Variants in IKZF2 observed in about 807,000 individuals in gnomAD.
The protein encoded by IKZF2 is IKAROS family zinc finger 2.
A neutral mutation model predicts 49.2 loss-of-function variants in IKZF2; 15 were observed. That is an observed-to-expected ratio of 0.30 (90% CI 0.20 to 0.47). IKZF2 has a LOEUF of 0.47. Among genes scored for constraint, IKZF2 ranks in the 20% least tolerant of loss-of-function variants. IKZF2 has a pLI of 1.00. For missense variants in IKZF2, 567 were observed against 664.6 expected, an observed-to-expected ratio of 0.85 and a Z score of 1.61; for synonymous variants, 227 against 221.4, an observed-to-expected ratio of 1.03 and a Z score of -0.23.
chr2:213,036,096 T>A (rs1698994678), intron 6 of IKZF2, among the ~76,000 whole-genome samples: 1 of 152,228 alleles, frequency 6.6e-6, no homozygotes, highest in Non-Finnish European at 1.5e-5. Context: ...AGCTGCTATA[T>A]GTCTTCAAGC....
At chr2:213,109,762 C>A (rs191219448) in intron 4 of IKZF2, among the ~76,000 whole-genome samples, 169 of 151,912 alleles carry the variant, frequency 1.1e-3, no homozygotes, top group Non-Finnish European at 1.9e-3. Context: ...AAAACATAAG[C>A]AAGGTAAAAT....
chr2:213,042,838 G>A (rs1699794680), intron 6 of IKZF2, among the ~76,000 whole-genome samples: 1 of 151,452 alleles, frequency 6.6e-6, no homozygotes, highest in African/African-American at 2.4e-5. Flanking sequence ...AAAAGAGCTT[G>A]GCCTTAAATA....
chr2:213,133,344 G>A (rs1014183445), intron 4 of IKZF2, among the ~76,000 whole-genome samples: 1 of 151,992 alleles, frequency 6.6e-6, no homozygotes, highest in East Asian at 1.9e-4. Flanking sequence ...ATCTGTCTAG[G>A]GGCCTCACAT....
chr2:213,056,848 T>C lies in IKZF2; in HGVS notation c.391A>G (p.Lys131Glu). 1.2e-6 allele frequency: 2 copies of C among 1,613,822 alleles called. No individual in the cohort carries two copies. The highest frequency in any genetic ancestry group is 1.7e-6 in the Non-Finnish European group (2 of 1,179,840). Residue 131 changes from lysine to glutamate, a missense_variant, in exon 5 of 9, where the codon AAA becomes GAA. Around this residue, in one of 5 missense-constraint regions of IKZF2, gnomAD observed 54 missense variants for 119.9 expected, o/e 0.45. Transcript: ENST00000434687. ...AGCTGCTTACCAGTGTGACTCCTTT[T>C]ATGTACCATAAGCACATTGGGCCCA... is the stretch of plus-strand genomic sequence containing the variant. ...CIGPNVLMVH[K>E]RSHTGERPFH...
rs535003526 is a variant in IKZF2, at chr2:213,131,593, T to A, written c.139+16115A>T. 2.0e-5 allele frequency among the ~76,000 whole-genome samples: 3 copies of A among 152,306 alleles called. No individual in the cohort carries two copies. The South Asian group carries it at 6.2e-4, about 32-fold the overall frequency. On this transcript the variant is annotated intron_variant, in intron 4 of 8. Transcript: ENST00000434687. ...TCTAGAGTGACACTGGCTGAAAAGA[T>A]GTATATTTTGAAGCCATGTGAAGCT...
At chr2:213,146,889 A>C in intron 4 of IKZF2, among the ~76,000 whole-genome samples, 1 of 152,028 alleles carries the variant, frequency 6.6e-6, no homozygotes, top group East Asian at 1.9e-4. Context: ...TATAAATCTA[A>C]AGTATAAAGA....
intron 4 of IKZF2, among the ~76,000 whole-genome samples, chr2:213,084,004 A>G (rs1328909852): frequency 1.3e-5 from 2 of 152,180 alleles, no homozygotes; most frequent in Non-Finnish European, 2.9e-5. Flanking sequence ...ATTGTCTTCC[A>G]CAAAACCAGT....
rs1418875659 is a variant in IKZF2, at chr2:213,136,199, G to A, written c.139+11509C>T. ...AGCCTGACCAACTTAGTGAAACCCT[G>A]TCTACACTAAAAAATAAAAAAATTA... On this transcript the variant is annotated intron_variant, in intron 4 of 8. Transcript: ENST00000434687. Among the ~76,000 whole-genome samples, 4 of 150,338 alleles carry A rather than the reference G, an allele frequency of 2.7e-5. No individual in the cohort carries two copies. In the East Asian group the frequency reaches 7.8e-4, roughly 29 times the overall value.
intron 8 of IKZF2, among the ~76,000 whole-genome samples, chr2:213,011,017 A>G (rs1258692311): frequency 2.6e-5 from 4 of 152,180 alleles, no homozygotes; most frequent in Admixed American, 6.6e-5. Flanking sequence ...GTGTGTTTCC[A>G]AAGGAATTGA....
intron 6 of IKZF2, among the ~76,000 whole-genome samples, chr2:213,041,364 C>T (rs775615480): frequency 8.6e-5 from 13 of 151,638 alleles, no homozygotes; most frequent in East Asian, 5.8e-4. Context: ...GATGGAGTTT[C>T]GCTCTGTCAC....
At chr2:213,021,931 T>TTTTTA (rs1574508685) in intron 7 of IKZF2, 62 bp downstream of exon 7, 2 of 1,528,476 alleles carry the variant, frequency 1.3e-6, no homozygotes, top group South Asian at 2.6e-5. Flanking sequence ...AGATTTTATC[T>TTTTTA]TCATGTTGAA....
intron 6 of IKZF2, among the ~76,000 whole-genome samples, chr2:213,037,298 A>T (rs1459857272): frequency 6.6e-6 from 1 of 152,258 alleles, no homozygotes; most frequent in Non-Finnish European, 1.5e-5. Context: ...CACCAAAGTG[A>T]AAAGAGCTGC....
chr2:213,124,240 T>TAG lies in IKZF2; in HGVS notation c.139+23467_139+23468insCT, dbSNP rs1553599600. The stretch of plus-strand genomic sequence containing the variant: ...TCCTTGTGTGCACGCACACATGCGC[T>TAG]CGCGCGCGCGCGCACACACACACAC... On this transcript the variant is annotated intron_variant, in intron 4 of 8. Transcript: ENST00000434687. Among the ~76,000 whole-genome samples the TAG allele has an allele frequency of 1.0e-3, 124 of 118,400 alleles. 1 individual carries two copies. The highest frequency in any genetic ancestry group is 3.7e-3 in the South Asian group (12 of 3,246). 77.7% of individuals were successfully genotyped at this position (118,400 alleles called of 152,430 possible).
intron 4 of IKZF2, among the ~76,000 whole-genome samples, chr2:213,133,060 T>C (rs2060525357): frequency 6.6e-6 from 1 of 152,250 alleles, no homozygotes; most frequent in Non-Finnish European, 1.5e-5. Context: ...TTTAAAATTA[T>C]TGTTGATTAA....
intron 4 of IKZF2, among the ~76,000 whole-genome samples, chr2:213,084,636 CTTTCT>C (rs1260117635): frequency 2.0e-5 from 3 of 151,940 alleles, no homozygotes; most frequent in Non-Finnish European, 4.4e-5. Flanking sequence ...TCAACTCTCC[CTTTCT>C]TAAGTATTTT....
At chr2:213,050,238 C>G (rs1297875351) in intron 5 of IKZF2, among the ~76,000 whole-genome samples, 2 of 152,094 alleles carry the variant, frequency 1.3e-5, no homozygotes, top group Non-Finnish European at 2.9e-5. Flanking sequence ...CTTACAATGA[C>G]AATAATTAGG....
chr2:213,102,045 T>C (rs1706742777), intron 4 of IKZF2, among the ~76,000 whole-genome samples: 1 of 152,194 alleles, frequency 6.6e-6, no homozygotes, highest in African/African-American at 2.4e-5. Context: ...TTGCAGGCTG[T>C]AGACCTAAAT....
intron 6 of IKZF2, among the ~76,000 whole-genome samples, chr2:213,023,454 T>A (rs991972861): frequency 2.0e-4 from 30 of 152,324 alleles, no homozygotes; most frequent in African/African-American, 3.6e-4. Flanking sequence ...TTCATTTTTT[T>A]AAAAATGCTT....
chr2:213,085,341 C>T (rs1237684515), intron 4 of IKZF2, among the ~76,000 whole-genome samples: 1 of 152,110 alleles, frequency 6.6e-6, no homozygotes, highest in Non-Finnish European at 1.5e-5. Context: ...AATTTGCCAG[C>T]AAGGCAAGTG....
Sources: gnomAD v4.1 joint callset for allele counts (sites outside exome capture counted in the v4.1 genomes callset) on GRCh38, gnomAD v4.1.1 for gene constraint, gnomAD v4.1.1 regional missense constraint, MANE v1.5 for transcripts, NCBI Gene and HGNC (gene_info 2026-07-23, HGNC 2026-07-21) for gene names.